The following CELSR1 variants were observed in gnomAD, a reference collection of about 807,000 sequenced individuals.
CELSR1 encodes cadherin EGF LAG seven-pass G-type receptor 1.
CELSR1 carries 110 observed loss-of-function variants against 249.1 expected under a neutral mutation model. The observed-to-expected ratio is 0.44, with a 90% confidence interval of 0.38 to 0.52. The LOEUF (loss-of-function observed/expected upper bound fraction) is 0.52, where lower values mean the gene tolerates loss of function less well. CELSR1 is among the 20% of genes least tolerant of loss of function. CELSR1 has a pLI of 0.00. For synonymous variants in CELSR1, 2,113 were observed against 1,900.0 expected, an observed-to-expected ratio of 1.11 and a Z score of -2.92; for missense variants, 4,109 against 4,296.4, an observed-to-expected ratio of 0.96 and a Z score of 1.22.
chr22:46,494,505 ATTTAT>A (rs1359435496), intron 1 of CELSR1, among the ~76,000 whole-genome samples: 2 of 152,004 alleles, frequency 1.3e-5, no homozygotes, highest in East Asian at 3.8e-4. Context: ...GTCCTTCTTA[ATTTAT>A]TTTATTTTAT....
At chr22:46,519,716 C>G (rs905290528) in intron 1 of CELSR1, among the ~76,000 whole-genome samples, 13 of 152,184 alleles carry the variant, frequency 8.5e-5, no homozygotes. Context: ...GGACCCTGCT[C>G]AGGTGCCGCC....
intron 33 of CELSR1, 82 bp downstream of exon 33, chr22:46,364,430 A>T: frequency 6.6e-7 from 1 of 1,518,186 alleles, no homozygotes; most frequent in East Asian, 2.3e-5. Context: ...CACCAGCCCC[A>T]GCCCCACTCC....
Position 46,381,016 on chromosome 22 carries a change from C to T in CELSR1, c.7089-61G>A, listed in dbSNP as rs946226074. 29 of 1,552,170 alleles carry T rather than the reference C, an allele frequency of 1.9e-5. No individual in the cohort carries two copies. Among genetic ancestry groups the T allele is most frequent in the Admixed American group, 1.4e-4 (8 of 57,012 alleles). On this transcript the variant is annotated intron_variant, in intron 21 of 34. Transcript: ENST00000674500. This position sits in a 1 kb window ranked among gnomAD's most constrained non-coding sequence, Gnocchi z 6.0. ...GGTGAGGAAACATCTGCTTAAATCC[C>T]GCGCACAAATGCCCTGAGGACACGC...
At chr22:46,375,012 G>A (rs1323364819) in intron 24 of CELSR1, among the ~76,000 whole-genome samples, 1 of 152,126 alleles carries the variant, frequency 6.6e-6, no homozygotes, top group Non-Finnish European at 1.5e-5. Context: ...ACCTACCACT[G>A]CTGGGAAGCC....
rs1311605791 is a variant in CELSR1 at position 46,390,285 on chromosome 22, C to T, written c.6345+107G>A. 1.2e-5 allele frequency: 11 copies of T among 913,622 alleles called. No homozygotes were observed. The highest frequency in any genetic ancestry group is 6.9e-5 in the African/African-American group (4 of 58,152). 56.6% of individuals were successfully genotyped at this position (913,622 alleles called of 1,614,324 possible). A position where few individuals can be genotyped will look rare whatever the true frequency, so the allele number is the denominator to read the frequency against. ...GGGGCTGTCCCTGCGCCATCCCAGC[C>T]GCCCCAACACTCCCCAGCCCAGGAG... On this transcript the variant is annotated intron_variant, in intron 17 of 34. Coordinates refer to ENST00000674500, the MANE Select transcript of CELSR1 (RefSeq NM_001378328.1). The surrounding 1 kb of genome is among the most constrained non-coding windows in gnomAD (Gnocchi z 6.3).
At chr22:46,424,108 C>T (rs951315238) in intron 5 of CELSR1, among the ~76,000 whole-genome samples, 3 of 151,990 alleles carry the variant, frequency 2.0e-5, no homozygotes, top group African/African-American at 7.3e-5. Context: ...ACTCTTTCGC[C>T]CAGGTTGGAG....
Position 46,390,900 on chromosome 22 carries a change from CAGTGA to C in CELSR1, c.6250+281_6250+285del, listed in dbSNP as rs1381745691. ...CACAGAGGTAACCCGATGCTATGAA[CAGTGA>C]AGCCACTTGTCCCGGTGCCCCAGCC... On this transcript the variant is annotated intron_variant, in intron 16 of 34. Transcript: ENST00000674500. This position sits in a 1 kb window ranked among gnomAD's most constrained non-coding sequence, Gnocchi z 6.3. Among the ~76,000 whole-genome samples, 1 of 152,232 alleles carries C rather than the reference CAGTGA, an allele frequency of 6.6e-6. No homozygotes were observed. The highest frequency in any genetic ancestry group is 1.5e-5 in the Non-Finnish European group (1 of 68,042).
chr22:46,443,300 G>C (rs1041711678), intron 2 of CELSR1, among the ~76,000 whole-genome samples: 2 of 152,198 alleles, frequency 1.3e-5, no homozygotes, highest in African/African-American at 4.8e-5. Flanking sequence ...GCACAGGCCA[G>C]GGGGGTGCTT....
rs1010256403 is a variant in CELSR1 at position 46,429,730 on chromosome 22, G to A, written c.4611+3663C>T. 6.6e-6 allele frequency among the ~76,000 whole-genome samples: 1 copy of A among 152,212 alleles called. No homozygotes were observed. Among genetic ancestry groups the A allele is most frequent in the Non-Finnish European group, 1.5e-5 (1 of 68,040 alleles). On this transcript the variant is annotated intron_variant, in intron 5 of 34. Coordinates refer to ENST00000674500, the MANE Select transcript of CELSR1 (RefSeq NM_001378328.1). The surrounding 1 kb of genome is among the most constrained non-coding windows in gnomAD (Gnocchi z 4.1). The stretch of plus-strand genomic sequence containing the variant: ...GAGTGAGGGAGGGGAGGGGTGTCAG[G>A]AGGGTCCCTGGTTAGCTGTGCCCCT...
rs1483159221 is a variant in CELSR1 at position 46,472,756 on chromosome 22, G to A, written c.3545-8411C>T. Among the ~76,000 whole-genome samples, 1 of 152,152 alleles carries A rather than the reference G, an allele frequency of 6.6e-6. No individual in the cohort carries two copies. The highest frequency in any genetic ancestry group is 2.4e-5 in the African/African-American group (1 of 41,436). On this transcript the variant is annotated intron_variant, in intron 1 of 34. Transcript: ENST00000674500. The surrounding 1 kb of genome is among the most constrained non-coding windows in gnomAD (Gnocchi z 7.0). ...GGTTTGTTCCTCCTGGAGGCTCAGG[G>A]GAGGGTCTGTTCCGGGCCCCTTTCC...
Position 46,411,234 on chromosome 22 carries a change from C to T in CELSR1, c.4769+368G>A, listed in dbSNP as rs375959172. 5.9e-5 allele frequency among the ~76,000 whole-genome samples: 9 copies of T among 152,114 alleles called. No homozygotes were observed. Among genetic ancestry groups the T allele is most frequent in the Non-Finnish European group, 1.3e-4 (9 of 68,020 alleles). ...AAAACAACAACAAAAAAACATAAGC[C>T]TCTGGGACCAGCTGGCTGACACAGT... On this transcript the variant is annotated intron_variant, in intron 6 of 34. Transcript: ENST00000674500. The surrounding 1 kb of genome is among the most constrained non-coding windows in gnomAD (Gnocchi z 4.2).
In CELSR1 at chr22:46,441,213, G is replaced by C. The variant is rs1184223166; in HGVS notation, c.4184-1802C>G. 6.6e-6 allele frequency among the ~76,000 whole-genome samples: 1 copy of C among 151,794 alleles called. No homozygotes were observed. Among genetic ancestry groups the C allele is most frequent in the African/African-American group, 2.4e-5 (1 of 41,310 alleles). ...GGAACTGGGGGGACATCCAATGTGA[G>C]GATACTCAGTGCATAACCCAGCATA... is the stretch of plus-strand genomic sequence containing the variant. On this transcript the variant is annotated intron_variant, in intron 2 of 34. Coordinates refer to ENST00000674500, the MANE Select transcript of CELSR1 (RefSeq NM_001378328.1). The surrounding 1 kb of genome is among the most constrained non-coding windows in gnomAD (Gnocchi z 6.1).
At position 46,428,301 on chromosome 22, in the gene CELSR1, T is replaced by G. The variant is rs2079558184; in HGVS notation, c.4611+5092A>C. ...AGGACTCCAGCAGCCAGCTCAGGCA[T>G]GGGGCTTCATTGCGTGTGGTCTAGC... On this transcript the variant is annotated intron_variant, in intron 5 of 34. Transcript: ENST00000674500. The surrounding 1 kb of genome is among the most constrained non-coding windows in gnomAD (Gnocchi z 5.7). 6.6e-6 allele frequency among the ~76,000 whole-genome samples: 1 copy of G among 152,218 alleles called. No homozygotes were observed. Among genetic ancestry groups the G allele is most frequent in the South Asian group, 2.1e-4 (1 of 4,832 alleles).
chr22:46,442,419 G>A (rs1211663545), intron 2 of CELSR1, among the ~76,000 whole-genome samples: 1 of 152,196 alleles, frequency 6.6e-6, no homozygotes, highest in Non-Finnish European at 1.5e-5. Flanking sequence ...TCTGCAGCAC[G>A]CTGTGGGGTG....
At chr22:46,497,840 C>T (rs557569730) in intron 1 of CELSR1, among the ~76,000 whole-genome samples, 8 of 152,194 alleles carry the variant, frequency 5.3e-5, no homozygotes, top group African/African-American at 1.9e-4. Context: ...ATTTATTGAG[C>T]TCACACAGAA....
intron 12 of CELSR1, 99 bp downstream of exon 12, chr22:46,397,575 G>A: frequency 1.8e-6 from 2 of 1,140,532 alleles, no homozygotes; most frequent in Non-Finnish European, 2.3e-6. Flanking sequence ...ACCACAGGGA[G>A]TTGGCTGGGG....
At chr22:46,400,528 T>C (rs1304211621) in intron 9 of CELSR1, among the ~76,000 whole-genome samples, 1 of 151,762 alleles carries the variant, frequency 6.6e-6, no homozygotes. Context: ...GCCCGGCTAC[T>C]CCGCAGGCTA....
At chr22:46,382,109 C>T in intron 20 of CELSR1, 59 bp from the exon 21 acceptor site, 2 of 1,411,534 alleles carry the variant, frequency 1.4e-6, no homozygotes, top group African/African-American at 1.4e-5. Context: ...CCCAAGACTG[C>T]CGTCAGTGCC....
intron 24 of CELSR1, among the ~76,000 whole-genome samples, chr22:46,376,617 G>C (rs2078920678): frequency 6.6e-6 from 1 of 152,142 alleles, no homozygotes; most frequent in African/African-American, 2.4e-5. Flanking sequence ...TGATCTGCCT[G>C]CCTCAGCCTC....
Sources: allele counts gnomAD v4.1 joint callset (sites outside exome capture counted in the v4.1 genomes callset), GRCh38; gene constraint gnomAD v4.1.1; non-coding constraint Gnocchi (gnomAD v3.1); transcripts MANE v1.5; gene names NCBI Gene and HGNC (gene_info 2026-07-23, HGNC 2026-07-21).